AP4S1: variants seen among roughly 807,000 people sequenced by gnomAD.
The protein encoded by AP4S1 is adaptor related protein complex 4 subunit sigma 1, also known as AP-4 complex subunit sigma-1.
A neutral mutation model predicts 19.8 loss-of-function variants in AP4S1; 23 were observed. The observed-to-expected ratio is 1.16, with a 90% CI of 0.84 to 1.65. The LOEUF (loss-of-function observed/expected upper bound fraction) is 1.65, where lower values mean the gene tolerates loss of function less well. Among genes scored for constraint, AP4S1 ranks in the 40% most tolerant of loss-of-function variants. The pLI is 0.00. For missense variants in AP4S1, 166 were observed against 172.8 expected, an observed-to-expected ratio of 0.96 and a Z score of 0.22; for synonymous variants, 46 against 54.1, an observed-to-expected ratio of 0.85 and a Z score of 0.66.
chr14:31,061,112 C>G (rs1886413870), intron 1 of AP4S1, among the ~76,000 whole-genome samples: 1 of 152,090 alleles, frequency 6.6e-6, no homozygotes, highest in South Asian at 2.1e-4. Context: ...AACTCCTGAC[C>G]TCAAATGATC....
intron 4 of AP4S1, among the ~76,000 whole-genome samples, chr14:31,075,847 C>A (rs1438880481): frequency 1.3e-5 from 2 of 151,136 alleles, no homozygotes; most frequent in Non-Finnish European, 2.9e-5. Flanking sequence ...TCAAGCAATT[C>A]TCCTGCCTCA....
rs554357729 is a variant in AP4S1 at position 31,041,913 on chromosome 14, C to T, written c.-72+16126C>T. Among the ~76,000 whole-genome samples, 25 of 152,328 alleles carry T rather than the reference C, an allele frequency of 1.6e-4. No individual in the cohort carries two copies. In the East Asian group the frequency reaches 4.2e-3, roughly 26 times the overall value. On this transcript the variant is annotated intron_variant, in intron 1 of 5. Transcript: ENST00000542754. Reference sequence around the variant, plus strand: ...GCTGCATCTCTGCTCACTGCAGCCTCCGCCTCCCAGGTTCAAGCAATTCCC... The same window carrying T: ...GCTGCATCTCTGCTCACTGCAGCCTTCGCCTCCCAGGTTCAAGCAATTCCC...
chr14:31,035,470 T>C (rs1219208199), intron 1 of AP4S1, among the ~76,000 whole-genome samples: 3 of 151,674 alleles, frequency 2.0e-5, no homozygotes, highest in Non-Finnish European at 4.4e-5. Flanking sequence ...GGATTACAGG[T>C]GTAAGCAACC....
chr14:31,025,856 C>G, intron 1 of AP4S1, 69 bp downstream of exon 1: 1 of 1,568,712 alleles, frequency 6.4e-7, no homozygotes. Context: ...ACCCCCCGGC[C>G]GGGAACCCAG....
intron 2 of AP4S1, 32 bp downstream of exon 2, chr14:31,066,366 A>G (rs775910206): frequency 3.0e-5 from 49 of 1,613,380 alleles, no homozygotes; most frequent in Non-Finnish European, 3.9e-5. Flanking sequence ...TTATCTCTGC[A>G]TTCAACTCAG....
intron 1 of AP4S1, 118 bp downstream of exon 1, chr14:31,025,905 T>C: frequency 1.2e-6 from 2 of 1,600,284 alleles, no homozygotes; most frequent in Non-Finnish European, 1.7e-6. Flanking sequence ...ACGAGGTACC[T>C]GCAGTTCGGC....
At chr14:31,038,420 T>C (rs1429157024) in intron 1 of AP4S1, among the ~76,000 whole-genome samples, 1 of 152,230 alleles carries the variant, frequency 6.6e-6, no homozygotes, top group Non-Finnish European at 1.5e-5. Flanking sequence ...CCTTTTGTGG[T>C]GTGCTCCAGG....
chr14:31,068,210 C>T lies in AP4S1; in HGVS notation c.139-1633C>T, dbSNP rs543848139. On this transcript the variant is annotated intron_variant, in intron 2 of 5. Transcript: ENST00000542754. ...ATGAAGAATTTTATTTAAAGAATTA[C>T]TTAATCCGGTCCTAAACTTGCCAAA... 1.8e-4 allele frequency among the ~76,000 whole-genome samples: 27 copies of T among 152,358 alleles called. No individual in the cohort carries two copies. The South Asian group carries it at 4.1e-3, about 23-fold the overall frequency.
intron 1 of AP4S1, chr14:31,026,326 GT>G: frequency 1.1e-6 from 1 of 900,418 alleles, no homozygotes; most frequent in Non-Finnish European, 1.5e-6. Context: ...TGTGCCTGCC[GT>G]GGGTCAGAGC....
At chr14:31,061,647 ATTT>A (rs576411455) in intron 1 of AP4S1, among the ~76,000 whole-genome samples, 2 of 146,166 alleles carry the variant, frequency 1.4e-5, no homozygotes, top group Non-Finnish European at 1.5e-5. Context: ...ATTAAAATCA[ATTT>A]TTTTTTTTTT....
chr14:31,091,970 A>C (rs1192065451), intron 5 of AP4S1, among the ~76,000 whole-genome samples: 2 of 152,222 alleles, frequency 1.3e-5, no homozygotes. Context: ...TTCTTTCACC[A>C]AAGAAAAGTT....
intron 1 of AP4S1, among the ~76,000 whole-genome samples, chr14:31,044,188 CT>C (rs1222133224): frequency 1.3e-5 from 2 of 152,140 alleles, no homozygotes; most frequent in African/African-American, 2.4e-5. Flanking sequence ...AATATTGCCC[CT>C]AATCCTACTA....
chr14:31,058,640 T>C (rs1244205614), intron 1 of AP4S1, among the ~76,000 whole-genome samples: 1 of 151,520 alleles, frequency 6.6e-6, no homozygotes, highest in East Asian at 1.9e-4. Context: ...TGATCATAGC[T>C]CACCACTGCC....
At chr14:31,058,300 CTTGT>C (rs1886235634) in intron 1 of AP4S1, among the ~76,000 whole-genome samples, 1 of 152,108 alleles carries the variant, frequency 6.6e-6, no homozygotes, top group Non-Finnish European at 1.5e-5. Context: ...AAGGAAAATG[CTTGT>C]TTGATTCCTG....
At chr14:31,051,079 A>T (rs1288741239) in intron 1 of AP4S1, among the ~76,000 whole-genome samples, 1 of 150,970 alleles carries the variant, frequency 6.6e-6, no homozygotes, top group Non-Finnish European at 1.5e-5. Context: ...ACAAAGCAAG[A>T]CCCCATCTCC....
At chr14:31,069,312 G>A (rs1006424825) in intron 2 of AP4S1, among the ~76,000 whole-genome samples, 2 of 152,106 alleles carry the variant, frequency 1.3e-5, no homozygotes, top group Admixed American at 1.3e-4. Flanking sequence ...CACAAAGAAG[G>A]CATCTTTAAA....
chr14:31,081,467 G>T (rs1327174850), intron 5 of AP4S1, among the ~76,000 whole-genome samples: 1 of 152,106 alleles, frequency 6.6e-6, no homozygotes, highest in Admixed American at 6.6e-5. Context: ...AAACAAGCAC[G>T]ATTTGCTTAG....
At chr14:31,071,397 G>A (rs563562973) in intron 3 of AP4S1, among the ~76,000 whole-genome samples, 3 of 152,244 alleles carry the variant, frequency 2.0e-5, no homozygotes, top group Admixed American at 1.3e-4. Flanking sequence ...AATCTGGCTA[G>A]ATTCATCATG....
At chr14:31,092,305 G>A (rs1265628147) in intron 5 of AP4S1, among the ~76,000 whole-genome samples, 1 of 152,160 alleles carries the variant, frequency 6.6e-6, no homozygotes, top group East Asian at 1.9e-4. Flanking sequence ...GAGGTTTGGG[G>A]GCTGAGGAGG....
Sources: gnomAD v4.1 joint callset for allele counts (sites outside exome capture counted in the v4.1 genomes callset) on GRCh38, gnomAD v4.1.1 for gene constraint, MANE v1.5 for transcripts, NCBI Gene and HGNC (gene_info 2026-07-23, HGNC 2026-07-21) for gene names.